MAPRE2: variants seen among roughly 807,000 people sequenced by gnomAD.
MAPRE2 encodes the protein microtubule associated protein RP/EB family member 2, also known as microtubule-associated protein RP/EB family member 2.
In MAPRE2, 13 loss-of-function variants were observed where a neutral mutation model predicts 43.2. The observed-to-expected ratio is 0.30, with a 90% CI of 0.20 to 0.48. The LOEUF is 0.48. Among genes scored for constraint, MAPRE2 ranks in the 20% least tolerant of loss-of-function variants. The pLI, the probability that MAPRE2 is intolerant of heterozygous loss-of-function variation, is 0.99. For missense variants in MAPRE2, 161 were observed against 400.2 expected, an observed-to-expected ratio of 0.40 and a Z score of 5.10; for synonymous variants, 135 against 148.8, an observed-to-expected ratio of 0.91 and a Z score of 0.68.
intron 2 of MAPRE2, among the ~76,000 whole-genome samples, chr18:35,018,172 G>C (rs1243725754): frequency 6.6e-6 from 1 of 151,936 alleles, no homozygotes; most frequent in Non-Finnish European, 1.5e-5. Flanking sequence ...CTTGATCGTG[G>C]TGGGTTAACT....
intron 2 of MAPRE2, among the ~76,000 whole-genome samples, chr18:35,019,320 A>G (rs1273880406): frequency 2.0e-5 from 3 of 151,938 alleles, no homozygotes; most frequent in East Asian, 3.9e-4. Flanking sequence ...TGAGTGGAGT[A>G]TTCTGTAGCT....
At chr18:35,030,760 C>T (rs796697402) in intron 2 of MAPRE2, among the ~76,000 whole-genome samples, 1 of 151,824 alleles carries the variant, frequency 6.6e-6, no homozygotes, top group African/African-American at 2.4e-5. Context: ...AAGCCCTGCA[C>T]ATTCTGGTTT....
chr18:34,978,448 G>A, intron 1 of MAPRE2: 2 of 1,436,792 alleles, frequency 1.4e-6, no homozygotes, highest in Non-Finnish European at 1.9e-6. Context: ...TGCGATTGTG[G>A]TCAGACGCAG....
At chr18:35,121,018 T>A (rs1909644263) in intron 4 of MAPRE2, among the ~76,000 whole-genome samples, 2 of 152,236 alleles carry the variant, frequency 1.3e-5, no homozygotes, top group East Asian at 3.8e-4. Flanking sequence ...TTAATGTCTC[T>A]TGTCAACAGT....
intron 1 of MAPRE2, among the ~76,000 whole-genome samples, chr18:34,980,368 G>A (rs1020377088): frequency 1.3e-5 from 2 of 152,196 alleles, no homozygotes; most frequent in East Asian, 3.9e-4. Flanking sequence ...CACACAGCAA[G>A]CACTCAATAT....
At chr18:35,076,062 C>G (rs1459103472) in intron 2 of MAPRE2, among the ~76,000 whole-genome samples, 1 of 152,222 alleles carries the variant, frequency 6.6e-6, no homozygotes, top group Non-Finnish European at 1.5e-5. Flanking sequence ...TATGCATTCA[C>G]TTTCATTTAC....
intron 2 of MAPRE2, among the ~76,000 whole-genome samples, chr18:35,015,697 C>T (rs142311886): frequency 0.015 from 2,249 of 145,346 alleles, 61 homozygotes; most frequent in African/African-American, 0.056. Context: ...CCTTTAAGCC[C>T]TGGTTGGGAA....
chr18:34,984,920 ATATATTTTATGTTATAT>A (rs1455768306), intron 1 of MAPRE2, among the ~76,000 whole-genome samples: 15 of 8,982 alleles, frequency 1.7e-3, no homozygotes, highest in East Asian at 0.01. Flanking sequence ...ATAATATATA[ATATATTTTATGTTATAT>A]AATATATAAA....
intron 1 of MAPRE2, chr18:35,005,449 T>A (rs539879470): frequency 8.1e-7 from 1 of 1,236,362 alleles, no homozygotes; most frequent in African/African-American, 1.5e-5. Context: ...TTCATCATAT[T>A]AAATGCTTGC....
chr18:35,040,784 G>C (rs1308986209), upstream of MAPRE2, among the ~76,000 whole-genome samples: 1 of 152,166 alleles, frequency 6.6e-6, no homozygotes, highest in Non-Finnish European at 1.5e-5. Flanking sequence ...GGATTCCTTT[G>C]TACAGATGAT....
intron 1 of MAPRE2, among the ~76,000 whole-genome samples, chr18:34,980,916 C>G (rs2097015896): frequency 6.6e-6 from 1 of 151,986 alleles, no homozygotes; most frequent in Admixed American, 6.6e-5. Context: ...ATTTAAATAG[C>G]CACCATATTA....
At chr18:34,991,213 C>G (rs974491207) in intron 1 of MAPRE2, among the ~76,000 whole-genome samples, 1 of 152,130 alleles carries the variant, frequency 6.6e-6, no homozygotes, top group African/African-American at 2.4e-5. Flanking sequence ...TCTCTCTCTC[C>G]CAATTCCCTT....
intron 1 of MAPRE2, among the ~76,000 whole-genome samples, chr18:34,992,800 C>T (rs975466689): frequency 2.6e-5 from 4 of 152,090 alleles, no homozygotes; most frequent in East Asian, 1.9e-4. Flanking sequence ...GTTCAAAATA[C>T]GAAAGCGGTG....
At chr18:35,035,513 A>G (rs913634141) in intron 2 of MAPRE2, among the ~76,000 whole-genome samples, 1 of 152,012 alleles carries the variant, frequency 6.6e-6, no homozygotes, top group African/African-American at 2.4e-5. Context: ...AAAGTATAAT[A>G]AAAATAAAAA....
chr18:35,037,019 C>G (rs1486564841), upstream of MAPRE2, among the ~76,000 whole-genome samples: 5 of 152,198 alleles, frequency 3.3e-5, no homozygotes, highest in Non-Finnish European at 7.3e-5. Flanking sequence ...AGTTTCCATT[C>G]TGACTTAGGT....
At chr18:35,081,655 T>A (rs1356888786) in intron 2 of MAPRE2, among the ~76,000 whole-genome samples, 1 of 152,110 alleles carries the variant, frequency 6.6e-6, no homozygotes, top group Non-Finnish European at 1.5e-5. Flanking sequence ...CCTGCAAGTC[T>A]TGGGGAGAGG....
chr18:34,983,145 T>TTCTTTG (rs2097017260), intron 1 of MAPRE2, among the ~76,000 whole-genome samples: 1 of 152,208 alleles, frequency 6.6e-6, no homozygotes. Context: ...AGCCTTAGTC[T>TTCTTTG]TTTTTGTTTT....
chr18:35,113,306 G>C (rs1909264319), intron 4 of MAPRE2, among the ~76,000 whole-genome samples: 1 of 152,202 alleles, frequency 6.6e-6, no homozygotes, highest in Non-Finnish European at 1.5e-5. Context: ...AGCGTCTGTA[G>C]AAAAGCCCAA....
At chr18:35,131,152 C>T (rs1910126433) in intron 5 of MAPRE2, among the ~76,000 whole-genome samples, 1 of 152,198 alleles carries the variant, frequency 6.6e-6, no homozygotes, top group Non-Finnish European at 1.5e-5. Flanking sequence ...CAGTTTCTCC[C>T]TGGAGAGCGT....
Sources: allele counts gnomAD v4.1 joint callset (sites outside exome capture counted in the v4.1 genomes callset), GRCh38; gene constraint gnomAD v4.1.1; transcripts MANE v1.5; gene names NCBI Gene and HGNC (gene_info 2026-07-23, HGNC 2026-07-21).